Variants in MTMR14 observed in about 807,000 individuals in gnomAD.
MTMR14 encodes myotubularin related protein 14, also known as phosphatidylinositol-3,5-bisphosphate 3-phosphatase MTMR14.
MTMR14 carries 48 observed loss-of-function variants against 86.3 expected under a neutral mutation model. The ratio of observed to expected loss-of-function variants is 0.56; its 90% confidence interval spans 0.44 to 0.71. The LOEUF is 0.71. Among genes scored for constraint, MTMR14 ranks in the 30% least tolerant of loss-of-function variants. The pLI is 0.00. For missense variants in MTMR14, 780 were observed against 834.6 expected (o/e 0.93, Z 0.81); for synonymous variants, 366 against 326.1 (o/e 1.12, Z -1.32).
At chr3:9,652,394 A>C (rs2047352718) in intron 1 of MTMR14, among the ~76,000 whole-genome samples, 1 of 152,210 alleles carries the variant, frequency 6.6e-6, no homozygotes, top group African/African-American at 2.4e-5. Context: ...GTTGTGTATA[A>C]AGAGACTTTG....
Position 9,701,694 on chromosome 3 carries a change from A to C in MTMR14, c.1770-96A>C. 39 of 1,361,728 alleles carry C rather than the reference A, an allele frequency of 2.9e-5. No individual in the cohort carries two copies. The highest frequency in any genetic ancestry group is 1.6e-4 in the South Asian group (13 of 83,484). The allele number at this position is 1,361,728 out of a possible 1,614,324, so 84.4% of individuals were successfully genotyped here. A position where few individuals can be genotyped will look rare whatever the true frequency, so the allele number is the denominator to read the frequency against. ...GACACTGGCCTTGTACAGTCAGAAG[A>C]AGCACAAGGACAGGTGGTATGGAGG... On this transcript the variant is annotated intron_variant, in intron 18 of 18. Coordinates refer to ENST00000296003, the MANE Select transcript of MTMR14 (RefSeq NM_001077525.3). This position sits in a 1 kb window ranked among gnomAD's most constrained non-coding sequence, Gnocchi z 4.2.
intron 14 of MTMR14, 82 bp downstream of exon 14, chr3:9,687,973 C>G: frequency 1.7e-6 from 2 of 1,168,826 alleles, no homozygotes; most frequent in Non-Finnish European, 2.5e-6. Flanking sequence ...GGCTGACCAC[C>G]TCATTCCCGC....
At position 9,684,919 on chromosome 3, in the gene MTMR14, C is replaced by T. The variant is rs532720335; in HGVS notation, c.1082C>T (p.Thr361Ile). 3.3e-5 allele frequency: 53 copies of T among 1,614,186 alleles called. 2 individuals are homozygous for T. The South Asian group carries it at 5.5e-4, about 17-fold the overall frequency. Residue 361 changes from threonine (T) to isoleucine (I), a missense_variant, in exon 12 of 19, where the codon ACT (threonine) becomes ATT (isoleucine). Coordinates refer to ENST00000296003, the MANE Select transcript of MTMR14 (RefSeq NM_001077525.3). ...DGLIHTSLKP[T>I]EILYLTVAYD... Reference sequence around the variant, plus strand: ...CTCATCCACACGTCCCTGAAGCCCACTGAGATCCTCTACCTCACTGTGGCC... The same window carrying T: ...CTCATCCACACGTCCCTGAAGCCCATTGAGATCCTCTACCTCACTGTGGCC...
Position 9,702,047 on chromosome 3 carries a change from C to T in MTMR14, c.*74C>T. The stretch of plus-strand genomic sequence containing the variant: ...AGCAGAGAATCAAAGCCATGCCTGG[C>T]CGAAGGGGTACTTCCAGGTCAGGGG... On this transcript the variant is annotated 3_prime_UTR_variant, in exon 19 of 19. Coordinates refer to ENST00000296003, the MANE Select transcript of MTMR14 (RefSeq NM_001077525.3). 6.3e-7 allele frequency: 1 copy of T among 1,584,376 alleles called. No homozygotes were observed. Among genetic ancestry groups the T allele is most frequent in the Non-Finnish European group, 8.6e-7 (1 of 1,156,536 alleles).
chr3:9,675,828 C>T (rs2075551057), intron 7 of MTMR14, among the ~76,000 whole-genome samples: 1 of 152,184 alleles, frequency 6.6e-6, no homozygotes, highest in Non-Finnish European at 1.5e-5. Flanking sequence ...CACAAGAGCT[C>T]TGAGGGATAA....
chr3:9,672,962 G>T (rs2048655556), intron 7 of MTMR14, among the ~76,000 whole-genome samples: 1 of 152,164 alleles, frequency 6.6e-6, no homozygotes, highest in Non-Finnish European at 1.5e-5. Flanking sequence ...CCACTCAAGG[G>T]GTTTAGGGAT....
rs913415620 is a variant in MTMR14 at position 9,687,757 on chromosome 3, C to T, written c.1165-64C>T. Reference sequence around the variant, plus strand: ...GGCCTTGACCTGAGTGGCTGGCCGCCCTCCCCTGGGAGTTCTGCTGCCTTG... The same window carrying T: ...GGCCTTGACCTGAGTGGCTGGCCGCTCTCCCCTGGGAGTTCTGCTGCCTTG... On this transcript the variant is annotated intron_variant, in intron 13 of 18. Transcript: ENST00000296003. 3 of 1,435,564 alleles carry T rather than the reference C, an allele frequency of 2.1e-6. No individual in the cohort carries two copies. The African/African-American group carries it at 4.2e-5, about 20-fold the overall frequency. The allele number at this position is 1,435,564 out of a possible 1,614,324, so 88.9% of individuals were successfully genotyped here.
chr3:9,671,574 CAT>C (rs2048566858), intron 6 of MTMR14, among the ~76,000 whole-genome samples: 1 of 151,098 alleles, frequency 6.6e-6, no homozygotes, highest in Non-Finnish European at 1.5e-5. Flanking sequence ...TGGTCTCAAA[CAT>C]GTGGCCCTAA....
intron 2 of MTMR14, chr3:9,659,935 C>T: frequency 2.3e-6 from 1 of 428,128 alleles, no homozygotes; most frequent in Non-Finnish European, 4.7e-6. Context: ...TTTGAGGCTA[C>T]AACTCAACCT....
At chr3:9,658,566 G>A (rs112935498) in intron 2 of MTMR14, among the ~76,000 whole-genome samples, 4 of 152,226 alleles carry the variant, frequency 2.6e-5, no homozygotes, top group Non-Finnish European at 5.9e-5. Context: ...AGGCCCTGCC[G>A]GATAGTGGTT....
At chr3:9,678,461 C>T (rs572315919) in intron 9 of MTMR14, among the ~76,000 whole-genome samples, 34 of 152,332 alleles carry the variant, frequency 2.2e-4, no homozygotes, top group Non-Finnish European at 4.3e-4. Context: ...TTACTTCCAC[C>T]ATGCTCTTCT....
Position 9,677,263 on chromosome 3 carries a change from C to G in MTMR14, c.752-54C>G. 1 of 1,560,190 alleles carries G rather than the reference C, an allele frequency of 6.4e-7. No homozygotes were observed. Among genetic ancestry groups the G allele is most frequent in the Non-Finnish European group, 8.8e-7 (1 of 1,131,564 alleles). ...GACCTGGGTCTGGCCAGGGCTGTCT[C>G]AGAAGACTTTGGGCTGGGAAGGGAG... On this transcript the variant is annotated intron_variant, in intron 7 of 18. Coordinates refer to ENST00000296003, the MANE Select transcript of MTMR14 (RefSeq NM_001077525.3). This position sits in a 1 kb window ranked among gnomAD's most constrained non-coding sequence, Gnocchi z 4.2.
intron 3 of MTMR14, among the ~76,000 whole-genome samples, chr3:9,666,283 G>T (rs2048254603): frequency 6.6e-6 from 1 of 151,998 alleles, no homozygotes; most frequent in Admixed American, 6.6e-5. Context: ...ATAGGCACGT[G>T]CCTCCACACC....
chr3:9,665,387 G>A (rs930753683), intron 3 of MTMR14, among the ~76,000 whole-genome samples: 4 of 151,556 alleles, frequency 2.6e-5, no homozygotes, highest in African/African-American at 7.3e-5. Context: ...ATCAAATACC[G>A]CATGTTCTCA....
At chr3:9,682,937 C>CG (rs1178085345) in intron 9 of MTMR14, among the ~76,000 whole-genome samples, 1 of 151,634 alleles carries the variant, frequency 6.6e-6, no homozygotes, top group African/African-American at 2.4e-5. Flanking sequence ...GTCAGAGCCC[C>CG]CCCCCCGCCC....
chr3:9,690,027 C>G lies in MTMR14; in HGVS notation c.1497C>G (p.Asp499Glu). Residue 499 changes from aspartate (D) to glutamate (E), a missense_variant, in exon 17 of 19, where the codon GAC becomes GAG. Coordinates refer to ENST00000296003, the MANE Select transcript of MTMR14 (RefSeq NM_001077525.3). ...GGAACCGGCCACAACCCTCAGAGGACCGCTTGCCTTCCCAGCAGGGGCTGG... is the reference window on the plus strand; with the variant it reads ...GGAACCGGCCACAACCCTCAGAGGAGCGCTTGCCTTCCCAGCAGGGGCTGG... ...VLWNRPQPSE[D>E]RLPSQQGLAE... The G allele has an allele frequency of 1.2e-6, 2 of 1,612,582 alleles. No homozygotes were observed. The highest frequency in any genetic ancestry group is 1.7e-6 in the Non-Finnish European group (2 of 1,179,934).
intron 3 of MTMR14, among the ~76,000 whole-genome samples, chr3:9,667,837 A>G (rs1050027413): frequency 2.0e-5 from 3 of 152,182 alleles, no homozygotes; most frequent in Admixed American, 6.5e-5. Context: ...GTACTTGGCA[A>G]TCTTCCAGGG....
At chr3:9,674,521 CT>C (rs1196558702) in intron 7 of MTMR14, among the ~76,000 whole-genome samples, 2 of 152,234 alleles carry the variant, frequency 1.3e-5, no homozygotes, top group Non-Finnish European at 2.9e-5. Flanking sequence ...GGCATGGTGG[CT>C]CACGCCTTTA....
In MTMR14 at chr3:9,677,985, A is replaced by T. The variant is rs527765188; in HGVS notation, c.824A>T (p.Asp275Val). 1.2e-6 allele frequency: 2 copies of T among 1,613,972 alleles called. No homozygotes were observed. The highest frequency in any genetic ancestry group is 4.5e-5 in the East Asian group (2 of 44,872). Residue 275 changes from aspartate to valine, a missense_variant and splice_region_variant, in exon 9 of 19, where the codon GAC becomes GTC. Asp to Val is a radical substitution (Grantham distance 152). Coordinates refer to ENST00000296003, the MANE Select transcript of MTMR14 (RefSeq NM_001077525.3). This position sits in a 1 kb window ranked among gnomAD's most constrained non-coding sequence, Gnocchi z 4.2. ...AEGLIFNWKQ[D>V]YVDAPLSIPD... ...TCACAGGAGTCTTTCTGTCCCCAGG[A>T]CTACGTTGATGCCCCATTGAGCATC...
Sources: gnomAD v4.1 joint callset for allele counts (sites outside exome capture counted in the v4.1 genomes callset) on GRCh38, gnomAD v4.1.1 for gene constraint, Gnocchi (gnomAD v3.1) non-coding constraint, MANE v1.5 for transcripts, NCBI Gene and HGNC (gene_info 2026-07-23, HGNC 2026-07-21) for gene names.